Variants in DNAH5 observed in about 807,000 individuals in gnomAD.
DNAH5 encodes the protein dynein axonemal heavy chain 5.
A neutral mutation model predicts 518.2 loss-of-function variants in DNAH5; 372 were observed. The ratio of observed to expected loss-of-function variants is 0.72; its 90% CI spans 0.66 to 0.78. The LOEUF is 0.78. DNAH5 is among the 30% of genes least tolerant of loss of function. The pLI is 0.00. For missense variants in DNAH5, 5,523 were observed against 5,687.0 expected (o/e 0.97, Z 0.93); for synonymous variants, 2,039 against 2,025.9 (o/e 1.01, Z -0.17).
rs1175686235 is a variant in DNAH5, at chr5:13,830,642, A to G, written c.6016T>C (p.Cys2006Arg). The change falls in exon 36 of 79, where the codon TGT becomes CGT. Residue 2006 changes from cysteine (C) to arginine (R), a missense_variant. By Grantham distance (180) the Cys-to-Arg change is radical. This residue lies in a region of DNAH5 where 5,121 missense variants were observed against 5,223.3 expected (regional missense o/e 0.98). Coordinates refer to ENST00000265104, the MANE Select transcript of DNAH5 (RefSeq NM_001369.3). Reference protein sequence around the residue: ...CLGKYVVVFNCSDQMDFRGLG... With the variant: ...CLGKYVVVFNRSDQMDFRGLG... ...CCTCGGAAATCCATCTGGTCTGAAC[A>G]ATTGAAAACCACGACGTATTTCCCG... 6.2e-7 allele frequency: 1 copy of G among 1,614,202 alleles called. No individual in the cohort carries two copies. Among genetic ancestry groups the G allele is most frequent in the South Asian group, 1.1e-5 (1 of 91,088 alleles).
rs1034886676 is a variant in DNAH5, at chr5:13,778,514, G to A, written c.8952-1159C>T. ...AGGAAGGAAGGGAGGGAGGGAGGGAGGGGAGAGAAAGTGAGAGAGAGAGAG... is the reference window on the plus strand; with the variant it reads ...AGGAAGGAAGGGAGGGAGGGAGGGAAGGGAGAGAAAGTGAGAGAGAGAGAG... On this transcript the variant is annotated intron_variant, in intron 53 of 78. Coordinates refer to ENST00000265104, the MANE Select transcript of DNAH5 (RefSeq NM_001369.3). Among the ~76,000 whole-genome samples, 20 of 126,334 alleles carry A rather than the reference G, an allele frequency of 1.6e-4. 1 individual carries two copies. Among genetic ancestry groups the A allele is most frequent in the African/African-American group, 6.0e-4 (20 of 33,180 alleles). 82.9% of individuals were successfully genotyped at this position (126,334 alleles called of 152,430 possible).
Position 13,708,206 on chromosome 5 carries a change from C to G in DNAH5, c.13255G>C (p.Asp4419His), listed in dbSNP as rs373749995. ...TTTTCGCTCATGATGATGGTGCCAT[C>G]AATAGCAAGTTTCAGCTCAGTGAGG... ...STLTELKLAI[D>H]GTIIMSENLR... Residue 4419 changes from aspartate to histidine, a missense_variant, in exon 76 of 79, where the codon GAT becomes CAT. Coordinates refer to ENST00000265104, the MANE Select transcript of DNAH5 (RefSeq NM_001369.3). The G allele has an allele frequency of 2.4e-5, 38 of 1,614,012 alleles. No individual in the cohort carries two copies. The highest frequency in any genetic ancestry group is 2.5e-5 in the Non-Finnish European group (29 of 1,180,020).
chr5:13,734,766 A>G (rs764532207), intron 68 of DNAH5, among the ~76,000 whole-genome samples: 6 of 152,166 alleles, frequency 3.9e-5, no homozygotes, highest in Non-Finnish European at 8.8e-5. Context: ...CTCCCACTTC[A>G]TAATGCCCTG....
At chr5:13,843,807 C>T (rs571806305) in intron 32 of DNAH5, among the ~76,000 whole-genome samples, 2 of 152,320 alleles carry the variant, frequency 1.3e-5, no homozygotes, top group African/African-American at 2.4e-5. Flanking sequence ...AAAGCCCTCC[C>T]GGACACCCCC....
At chr5:13,813,457 G>GAAA (rs374318289) in intron 43 of DNAH5, among the ~76,000 whole-genome samples, 10 of 136,762 alleles carry the variant, frequency 7.3e-5, no homozygotes, top group African/African-American at 1.4e-4. Flanking sequence ...GCACTTAAAA[G>GAAA]AAAAAAAAAA....
intron 1 of DNAH5, among the ~76,000 whole-genome samples, chr5:13,996,595 G>A (rs1783974088): frequency 6.6e-6 from 1 of 152,212 alleles, no homozygotes. Context: ...AGAAGTGACA[G>A]GACCTGACCA....
intron 15 of DNAH5, among the ~76,000 whole-genome samples, chr5:13,895,871 G>A (rs1048762424): frequency 2.6e-5 from 4 of 152,060 alleles, no homozygotes; most frequent in African/African-American, 9.7e-5. Context: ...TCAGCTGATA[G>A]TGACTTTATC....
At chr5:13,795,609 T>A (rs1757707414) in intron 47 of DNAH5, among the ~76,000 whole-genome samples, 1 of 152,222 alleles carries the variant, frequency 6.6e-6, no homozygotes, top group Non-Finnish European at 1.5e-5. Context: ...ACAGCCAAAT[T>A]CTACCAGAGG....
intron 46 of DNAH5, 65 bp from the exon 47 acceptor site, chr5:13,807,790 C>A: frequency 1.4e-6 from 2 of 1,405,752 alleles, no homozygotes; most frequent in South Asian, 2.5e-5. Context: ...TGAATTTGTC[C>A]CCCCAAAATT....
intron 30 of DNAH5, among the ~76,000 whole-genome samples, chr5:13,858,299 T>C (rs1056472011): frequency 6.6e-6 from 1 of 152,142 alleles, no homozygotes; most frequent in Non-Finnish European, 1.5e-5. Context: ...ACCATCATTC[T>C]CAGAAAACTA....
intron 53 of DNAH5, among the ~76,000 whole-genome samples, chr5:13,779,754 C>T (rs1349017892): frequency 1.3e-5 from 2 of 152,122 alleles, no homozygotes; most frequent in African/African-American, 4.8e-5. Flanking sequence ...AGATAGTTTC[C>T]CAAGCCAGAA....
At chr5:13,890,856 T>C in intron 17 of DNAH5, 120 bp downstream of exon 17, 1 of 1,104,176 alleles carries the variant, frequency 9.1e-7, no homozygotes, top group Non-Finnish European at 1.3e-6. Flanking sequence ...TCTGAATCAC[T>C]TCTATCACAG....
rs772584808 is a variant in DNAH5, at chr5:13,870,757, C to T, written c.3834+10G>A. ...AATATTTCTATAATGAACAAATGAT[C>T]ATTAGTTACCTCAATAGGTCCTACT... On this transcript the variant is annotated intron_variant, in intron 24 of 78. Coordinates refer to ENST00000265104, the MANE Select transcript of DNAH5 (RefSeq NM_001369.3). The T allele has an allele frequency of 1.9e-6, 3 of 1,603,410 alleles. No individual in the cohort carries two copies. Among genetic ancestry groups the T allele is most frequent in the South Asian group, 1.1e-5 (1 of 90,782 alleles).
Position 13,894,196 on chromosome 5 carries a change from A to G in DNAH5, c.2431+454T>C, listed in dbSNP as rs147219942. 1.1e-3 allele frequency among the ~76,000 whole-genome samples: 165 copies of G among 152,302 alleles called. 2 individuals are homozygous for G. The highest frequency in any genetic ancestry group is 3.8e-3 in the African/African-American group (157 of 41,558). On this transcript the variant is annotated intron_variant, in intron 16 of 78. Transcript: ENST00000265104. ...ACCCGTACACATTCCAGAAAAGCGC[A>G]TTTTATGGAATATACTACCTTACAT...
At position 13,766,116 on chromosome 5, in the gene DNAH5, G is replaced by A. The variant is rs763063590; in HGVS notation, c.9961C>T (p.Arg3321Trp). 10 of 1,614,064 alleles carry A rather than the reference G, an allele frequency of 6.2e-6. No homozygotes were observed. The highest frequency in any genetic ancestry group is 2.7e-5 in the African/African-American group (2 of 74,922). The change falls in exon 59 of 79, where the codon CGG (arginine) becomes TGG (tryptophan). Residue 3321 changes from arginine to tryptophan, a missense_variant. Physicochemically the swap from Arg to Trp is moderately radical, Grantham distance 101. Transcript: ENST00000265104. ...TLGRPPHLIM[R>W]IMDCVLLLFQ... ...AGCAGCAGTACGCAATCCATGATCC[G>A]CATGATGAGGTGAGGGGGGCGGCCC...
rs2151995771 is a variant in DNAH5 at position 13,922,338 on chromosome 5, A to G, written c.439-10T>C. 2 of 1,609,268 alleles carry G rather than the reference A, an allele frequency of 1.2e-6. No individual in the cohort carries two copies. The highest frequency in any genetic ancestry group is 1.7e-6 in the Non-Finnish European group (2 of 1,176,852). On this transcript the variant is annotated splice_polypyrimidine_tract_variant and intron_variant, in intron 4 of 78. Coordinates refer to ENST00000265104, the MANE Select transcript of DNAH5 (RefSeq NM_001369.3). ...TGTTAAAACTCACCTCCTGGAAAAC[A>G]GGCAGGAGATCTTTTATTGTAAAAA...
At position 13,876,780 on chromosome 5, in the gene DNAH5, G is replaced by A. The variant is rs375299394; in HGVS notation, c.3300C>T (p.Pro1100=). ...LEIASVNLPI[P]VQTKNYYKNV... is the part of the protein sequence containing the mutation. ...TCTTATAATAGTTCTTGGTTTGCAC[G>A]GGAATGGGTAAATTTACAGATGCTA... The change falls in exon 22 of 79, where the codon CCC becomes CCT. Residue 1100 remains proline, a synonymous_variant. Coordinates refer to ENST00000265104, the MANE Select transcript of DNAH5 (RefSeq NM_001369.3). 2.9e-5 allele frequency: 46 copies of A among 1,613,708 alleles called. No individual in the cohort carries two copies. Among genetic ancestry groups the A allele is most frequent in the South Asian group, 8.8e-5 (8 of 91,066 alleles).
At chr5:13,953,509 G>A (rs1297466218) in intron 1 of DNAH5, among the ~76,000 whole-genome samples, 1 of 152,152 alleles carries the variant, frequency 6.6e-6, no homozygotes, top group African/African-American at 2.4e-5. Context: ...ATTGATTGAA[G>A]TAAATTCCAA....
intron 38 of DNAH5, among the ~76,000 whole-genome samples, chr5:13,827,874 CT>C (rs942615580): frequency 6.6e-6 from 1 of 152,100 alleles, no homozygotes; most frequent in Non-Finnish European, 1.5e-5. Flanking sequence ...TTATAAGGGG[CT>C]TTTCCCCCTC....
Sources: allele counts gnomAD v4.1 joint callset (sites outside exome capture counted in the v4.1 genomes callset), GRCh38; gene constraint gnomAD v4.1.1; regional missense constraint gnomAD v4.1.1; transcripts MANE v1.5; gene names NCBI Gene and HGNC (gene_info 2026-07-23, HGNC 2026-07-21).